The following ERC2 variants were observed in gnomAD, a reference collection of about 807,000 sequenced individuals.
ERC2 encodes ERC protein 2.
ERC2 carries 42 observed loss-of-function variants against 114.8 expected under a neutral mutation model. The observed-to-expected ratio is 0.37, with a 90% CI of 0.29 to 0.47. ERC2 has a LOEUF of 0.47. ERC2 is among the 20% of genes least tolerant of loss of function. The pLI, the probability that ERC2 is intolerant of heterozygous loss-of-function variation, is 0.99. For missense variants in ERC2, 939 were observed against 1,150.7 expected (o/e 0.82, Z 2.66); for synonymous variants, 454 against 425.5 (o/e 1.07, Z -0.82).
At chr3:55,539,732 A>G (rs1013701358) in intron 17 of ERC2, among the ~76,000 whole-genome samples, 1 of 151,662 alleles carries the variant, frequency 6.6e-6, no homozygotes, top group South Asian at 2.1e-4. Flanking sequence ...CCACCCTAAG[A>G]CACATTTTCA....
Position 55,702,256 on chromosome 3 carries a change from G to A in ERC2, c.2713-2744C>T, listed in dbSNP as rs975330450. Among the ~76,000 whole-genome samples the A allele has an allele frequency of 7.2e-5, 11 of 152,166 alleles. No homozygotes were observed. The East Asian group carries it at 7.7e-4, about 11-fold the overall frequency. On this transcript the variant is annotated intron_variant, in intron 15 of 17. Transcript: ENST00000288221. ...TGGTGCTGAAATATAAATAAACCAC[G>A]TTGTTCATGTGAATACCAGATCTGG... is the stretch of plus-strand genomic sequence containing the variant.
At chr3:55,845,951 C>G (rs1028629040) in intron 14 of ERC2, among the ~76,000 whole-genome samples, 3 of 152,218 alleles carry the variant, frequency 2.0e-5, no homozygotes, top group African/African-American at 7.2e-5. Flanking sequence ...GAAGGGCAGC[C>G]TCTGAGTTGG....
At chr3:55,839,072 A>C (rs551006738) in intron 14 of ERC2, among the ~76,000 whole-genome samples, 1 of 152,022 alleles carries the variant, frequency 6.6e-6, no homozygotes, top group Admixed American at 6.5e-5. Context: ...CTAATGATAA[A>C]GAGAAATTTT....
At chr3:56,410,662 G>C (rs1221830980) in intron 2 of ERC2, among the ~76,000 whole-genome samples, 1 of 152,124 alleles carries the variant, frequency 6.6e-6, no homozygotes, top group African/African-American at 2.4e-5. Flanking sequence ...TTTGGTGTTT[G>C]TTTGGTTTTG....
chr3:55,518,287 C>T (rs973692779), intron 17 of ERC2, among the ~76,000 whole-genome samples: 5 of 152,076 alleles, frequency 3.3e-5, no homozygotes, highest in Non-Finnish European at 7.4e-5. Context: ...CATCTACCAA[C>T]CTATATAAGA....
At chr3:55,759,462 TAAAAAAAAAAAAAAAAA>T (rs540204065) in intron 14 of ERC2, among the ~76,000 whole-genome samples, 27 of 36,072 alleles carry the variant, frequency 7.5e-4, no homozygotes, top group Middle Eastern at 0.013. Context: ...TCTCTTTCAT[TAAAAAAAAAAAAAAAAA>T]AAAAAAAAAA....
chr3:56,170,613 T>TTTTGAGGTAG (rs2082606749), intron 4 of ERC2, among the ~76,000 whole-genome samples: 4 of 149,478 alleles, frequency 2.7e-5, no homozygotes, highest in Non-Finnish European at 4.4e-5. Context: ...TTTTTTTTTT[T>TTTTGAGGTAG]TGAGGTAGTG....
intron 17 of ERC2, among the ~76,000 whole-genome samples, chr3:55,581,220 G>A (rs2057244961): frequency 6.6e-6 from 1 of 152,148 alleles, no homozygotes; most frequent in Non-Finnish European, 1.5e-5. Flanking sequence ...CTTTTCAAAT[G>A]CTTAAGTCCT....
intron 17 of ERC2, among the ~76,000 whole-genome samples, chr3:55,548,556 A>G: frequency 6.6e-6 from 1 of 151,972 alleles, no homozygotes; most frequent in East Asian, 1.9e-4. Context: ...GCAGGGAAAA[A>G]CCCCAGCCAC....
chr3:55,772,689 T>C (rs369431601), intron 14 of ERC2, among the ~76,000 whole-genome samples: 3 of 152,320 alleles, frequency 2.0e-5, no homozygotes, highest in African/African-American at 7.2e-5. Flanking sequence ...TAAGCTTTTA[T>C]ATTCATCAGC....
At chr3:55,805,431 G>C (rs2059450455) in intron 14 of ERC2, among the ~76,000 whole-genome samples, 1 of 151,556 alleles carries the variant, frequency 6.6e-6, no homozygotes, top group East Asian at 2.0e-4. Flanking sequence ...CTTCCCTGAG[G>C]TCACACACTT....
intron 17 of ERC2, among the ~76,000 whole-genome samples, chr3:55,671,499 G>A (rs1015912214): frequency 6.6e-6 from 1 of 152,184 alleles, no homozygotes; most frequent in Non-Finnish European, 1.5e-5. Context: ...GAGAGGAAAT[G>A]CTAGCCTCTC....
chr3:56,261,031 G>A lies in ERC2; in HGVS notation c.1074+34988C>T, dbSNP rs181123700. ...AAGTGTTCAAGAGTCACACGCGACT[G>A]TAACTACCACATTGGACAGCACAGC... is the stretch of plus-strand genomic sequence containing the variant. On this transcript the variant is annotated intron_variant, in intron 3 of 17. Transcript: ENST00000288221. 1.3e-3 allele frequency among the ~76,000 whole-genome samples: 200 copies of A among 152,352 alleles called. 1 individual carries two copies. Among genetic ancestry groups the A allele is most frequent in the South Asian group, 6.6e-3 (32 of 4,830 alleles).
intron 14 of ERC2, among the ~76,000 whole-genome samples, chr3:55,884,395 G>GTC (rs1343969092): frequency 1.3e-5 from 2 of 152,074 alleles, no homozygotes; most frequent in African/African-American, 4.8e-5. Context: ...TGCCATCAGT[G>GTC]TCTCTCTCTC....
At chr3:56,054,122 T>C (rs903951894) in intron 7 of ERC2, among the ~76,000 whole-genome samples, 1 of 152,238 alleles carries the variant, frequency 6.6e-6, no homozygotes, top group African/African-American at 2.4e-5. Context: ...CTTAAAGTTA[T>C]ACTCTCTGGA....
At chr3:55,599,099 C>T (rs1044133048) in intron 17 of ERC2, among the ~76,000 whole-genome samples, 2 of 152,216 alleles carry the variant, frequency 1.3e-5, no homozygotes, top group African/African-American at 4.8e-5. Context: ...GCAGACTCCT[C>T]CACCTAAGTG....
rs115934966 is a variant in ERC2, at chr3:56,092,533, C to T, written c.1474-11549G>A. 6.1e-3 allele frequency among the ~76,000 whole-genome samples: 924 copies of T among 152,236 alleles called. 5 individuals carry two copies. Among genetic ancestry groups the T allele is most frequent in the Non-Finnish European group, 0.011 (716 of 68,002 alleles). ...CTCATGTGTTAATACTTAAAGTTTT[C>T]GTTAATAAAACTTCCAACACTAACC... On this transcript the variant is annotated intron_variant, in intron 6 of 17. Coordinates refer to ENST00000288221, the MANE Select transcript of ERC2 (RefSeq NM_015576.3).
intron 7 of ERC2, among the ~76,000 whole-genome samples, chr3:56,031,805 A>G (rs2074394541): frequency 6.6e-6 from 1 of 152,238 alleles, no homozygotes; most frequent in Admixed American, 6.5e-5. Context: ...AAAAAACAAT[A>G]AAACATTCTG....
intron 2 of ERC2, among the ~76,000 whole-genome samples, chr3:56,420,942 A>G (rs548170807): frequency 6.6e-6 from 1 of 152,216 alleles, no homozygotes; most frequent in South Asian, 2.1e-4. Context: ...AAGGGATTTT[A>G]TAGAAAGTGG....
Sources: gnomAD v4.1 joint callset for allele counts (sites outside exome capture counted in the v4.1 genomes callset) on GRCh38, gnomAD v4.1.1 for gene constraint, MANE v1.5 for transcripts, NCBI Gene and HGNC (gene_info 2026-07-23, HGNC 2026-07-21) for gene names.